TSPAN9: variants seen among roughly 807,000 people sequenced by gnomAD.
TSPAN9 encodes the protein tetraspanin-9.
TSPAN9 carries 16 observed loss-of-function variants against 31.0 expected under a neutral mutation model. The ratio of observed to expected loss-of-function variants is 0.52; its 90% CI spans 0.35 to 0.78. The LOEUF is 0.78. Ranked by LOEUF, TSPAN9 falls within the 30% of genes least tolerant of loss-of-function variation. The pLI, the probability that TSPAN9 is intolerant of heterozygous loss-of-function variation, is 0.01. For synonymous variants in TSPAN9, 145 were observed against 121.6 expected (o/e 1.19, Z -1.27); for missense variants, 272 against 312.5 (o/e 0.87, Z 0.98).
At chr12:3,229,337 G>A (rs765917990) in intron 3 of TSPAN9, among the ~76,000 whole-genome samples, 8 of 152,200 alleles carry the variant, frequency 5.3e-5, no homozygotes, top group African/African-American at 9.7e-5. Context: ...CATTGGTCTC[G>A]TGGCCTGGCC....
intron 3 of TSPAN9, among the ~76,000 whole-genome samples, chr12:3,239,542 C>G (rs569116211): frequency 1.3e-5 from 2 of 152,194 alleles, no homozygotes; most frequent in Non-Finnish European, 2.9e-5. Context: ...CTCCACTGCC[C>G]GAGTTGGATC....
At chr12:3,150,511 T>C (rs1221988024) in intron 2 of TSPAN9, among the ~76,000 whole-genome samples, 1 of 152,218 alleles carries the variant, frequency 6.6e-6, no homozygotes, top group Non-Finnish European at 1.5e-5. Context: ...CTTGTCTACA[T>C]GCTGAGGCTG....
intron 3 of TSPAN9, among the ~76,000 whole-genome samples, chr12:3,277,463 A>G (rs577938528): frequency 3.3e-5 from 5 of 152,304 alleles, no homozygotes; most frequent in African/African-American, 1.2e-4. Context: ...GCCAGAACAG[A>G]GGCCCCTGGA....
chr12:3,105,730 G>A (rs1051938051), intron 2 of TSPAN9, among the ~76,000 whole-genome samples: 4 of 143,118 alleles, frequency 2.8e-5, no homozygotes, highest in Admixed American at 1.4e-4. Context: ...TTGTGTGCAC[G>A]CGCGTGCACA....
At position 3,107,422 on chromosome 12, in the gene TSPAN9, G is replaced by C. The variant is rs984568807; in HGVS notation, c.-18+23703G>C. Reference sequence around the variant, plus strand: ...TGGCTGCCTGATGGGTTGACTCAGGGCCTTCGTTCCCAGTCTTTGGGCCTG... The same window carrying C: ...TGGCTGCCTGATGGGTTGACTCAGGCCCTTCGTTCCCAGTCTTTGGGCCTG... On this transcript the variant is annotated intron_variant, in intron 2 of 8. Coordinates refer to ENST00000011898, the MANE Select transcript of TSPAN9 (RefSeq NM_006675.5). This position sits in a 1 kb window ranked among gnomAD's most constrained non-coding sequence, Gnocchi z 4.1. Among the ~76,000 whole-genome samples the C allele has an allele frequency of 6.6e-6, 1 of 152,162 alleles. No individual in the cohort carries two copies. Among genetic ancestry groups the C allele is most frequent in the Admixed American group, 6.5e-5 (1 of 15,278 alleles).
chr12:3,230,447 A>G (rs755184774), intron 3 of TSPAN9, among the ~76,000 whole-genome samples: 1 of 151,672 alleles, frequency 6.6e-6, no homozygotes, highest in African/African-American at 2.4e-5. Context: ...CCTTCACCCC[A>G]CCACCAAGAA....
chr12:3,205,721 C>CA (rs1591675970), intron 3 of TSPAN9, among the ~76,000 whole-genome samples: 1 of 101,384 alleles, frequency 9.9e-6, no homozygotes, highest in Non-Finnish European at 2.3e-5. Context: ...CACTTAGGCC[C>CA]CCCCCCCCCA....
At chr12:3,257,822 G>A (rs1188580164) in intron 3 of TSPAN9, among the ~76,000 whole-genome samples, 1 of 152,142 alleles carries the variant, frequency 6.6e-6, no homozygotes, top group Non-Finnish European at 1.5e-5. Flanking sequence ...GCCCAGAGGT[G>A]GTGAGGGTCT....
chr12:3,169,056 G>T (rs2098350270), intron 2 of TSPAN9, among the ~76,000 whole-genome samples: 1 of 152,180 alleles, frequency 6.6e-6, no homozygotes, highest in Non-Finnish European at 1.5e-5. Context: ...TGAGACTATG[G>T]GGCAGCCAGA....
At chr12:3,173,171 A>G (rs1416640045) in intron 2 of TSPAN9, 1 of 152,514 alleles carries the variant, frequency 6.6e-6, no homozygotes, top group East Asian at 1.9e-4. Flanking sequence ...GAGGGTGCTC[A>G]CTGTGCCCGG....
At chr12:3,273,112 C>G (rs573929506) in intron 3 of TSPAN9, 6 of 152,352 alleles carry the variant, frequency 3.9e-5, no homozygotes, top group Admixed American at 3.9e-4. Flanking sequence ...TTCCCTCCTC[C>G]GGAGTCAGGG....
At chr12:3,206,286 C>A (rs967293584) in intron 3 of TSPAN9, 3 of 455,918 alleles carry the variant, frequency 6.6e-6, no homozygotes, top group Non-Finnish European at 1.3e-5. Flanking sequence ...ACAGGATCCT[C>A]CAGTTGGTGA....
At chr12:3,079,281 GT>G (rs1468444327) in intron 1 of TSPAN9, among the ~76,000 whole-genome samples, 3 of 151,652 alleles carry the variant, frequency 2.0e-5, no homozygotes, top group Non-Finnish European at 4.4e-5. Flanking sequence ...ATTGGCTGAA[GT>G]TTGTTACTTT....
intron 1 of TSPAN9, among the ~76,000 whole-genome samples, chr12:3,080,985 A>G (rs2098297545): frequency 6.6e-6 from 1 of 152,200 alleles, no homozygotes; most frequent in South Asian, 2.1e-4. Flanking sequence ...GCCAGCCAGC[A>G]CTGTTAAGTG....
intron 3 of TSPAN9, among the ~76,000 whole-genome samples, chr12:3,240,680 A>G (rs946835656): frequency 2.8e-4 from 42 of 152,166 alleles, no homozygotes; most frequent in African/African-American, 9.9e-4. Context: ...CTGGCTTCAA[A>G]TCTATGATCC....
At chr12:3,241,520 C>G (rs1240244433) in intron 3 of TSPAN9, among the ~76,000 whole-genome samples, 1 of 152,178 alleles carries the variant, frequency 6.6e-6, no homozygotes, top group Non-Finnish European at 1.5e-5. Context: ...TATATGTCTA[C>G]AAATACAACT....
At chr12:3,219,320 A>G (rs67724188) in intron 3 of TSPAN9, among the ~76,000 whole-genome samples, 7,449 of 152,296 alleles carry the variant, frequency 0.049, 230 homozygotes, top group African/African-American at 0.089. Context: ...GGACTGTCCT[A>G]GCACAACACT....
At chr12:3,135,842 C>G (rs2098331877) in intron 2 of TSPAN9, among the ~76,000 whole-genome samples, 1 of 152,204 alleles carries the variant, frequency 6.6e-6, no homozygotes, top group South Asian at 2.1e-4. Flanking sequence ...GTGTCCAACT[C>G]TCCTGTGACA....
Position 3,192,008 on chromosome 12 carries a change from T to A in TSPAN9, c.-17-9169T>A, listed in dbSNP as rs10744600. Among the ~76,000 whole-genome samples, 1 of 152,150 alleles carries A rather than the reference T, an allele frequency of 6.6e-6. No homozygotes were observed. Among genetic ancestry groups the A allele is most frequent in the Non-Finnish European group, 1.5e-5 (1 of 68,038 alleles). On this transcript the variant is annotated intron_variant, in intron 2 of 8. Transcript: ENST00000011898. This position sits in a 1 kb window ranked among gnomAD's most constrained non-coding sequence, Gnocchi z 4.6. Reference sequence around the variant, plus strand: ...GAGTAGAGTGAAGCCAGGCAGTGGGTCCAGGAAGAGCATCCAAGCAGAGGG... The same window carrying A: ...GAGTAGAGTGAAGCCAGGCAGTGGGACCAGGAAGAGCATCCAAGCAGAGGG...
Sources: gnomAD v4.1 joint callset for allele counts (sites outside exome capture counted in the v4.1 genomes callset) on GRCh38, gnomAD v4.1.1 for gene constraint, Gnocchi (gnomAD v3.1) non-coding constraint, MANE v1.5 for transcripts, NCBI Gene and HGNC (gene_info 2026-07-23, HGNC 2026-07-21) for gene names.